Variants in PSD3 observed in about 807,000 individuals in gnomAD.
PSD3 encodes pleckstrin and Sec7 domain containing 3, also known as PH and SEC7 domain-containing protein 3.
In PSD3, 49 loss-of-function variants were observed where a neutral mutation model predicts 105.5. The observed-to-expected ratio is 0.46, with a 90% CI of 0.37 to 0.59. The LOEUF (loss-of-function observed/expected upper bound fraction) is 0.59. PSD3 is among the 20% of genes least tolerant of loss of function. The probability of loss-of-function intolerance (pLI) is 0.00; values close to 1 mark genes in which losing one functional copy is unlikely to be tolerated. For synonymous variants in PSD3, 557 were observed against 457.8 expected, an observed-to-expected ratio of 1.22 and a Z score of -2.77; for missense variants, 1,561 against 1,263.8, an observed-to-expected ratio of 1.24 and a Z score of -3.57.
chr8:18,802,555 A>G (rs1298583528), intron 6 of PSD3, among the ~76,000 whole-genome samples: 1 of 152,198 alleles, frequency 6.6e-6, no homozygotes. Context: ...ATGCAAGGCA[A>G]AAATACAGAT....
chr8:18,931,396 C>T (rs1288702324), intron 2 of PSD3, among the ~76,000 whole-genome samples: 5 of 152,132 alleles, frequency 3.3e-5, no homozygotes, highest in African/African-American at 1.2e-4. Context: ...GCTACAGCAT[C>T]CATTCACATC....
At chr8:18,642,750 C>A (rs183321111) in intron 10 of PSD3, among the ~76,000 whole-genome samples, 7 of 152,284 alleles carry the variant, frequency 4.6e-5, no homozygotes, top group African/African-American at 1.7e-4. Context: ...TTAAGCTTTT[C>A]ACAATAAAAC....
intron 11 of PSD3, among the ~76,000 whole-genome samples, chr8:18,625,534 G>A (rs1015722087): frequency 2.6e-4 from 40 of 152,120 alleles, no homozygotes; most frequent in African/African-American, 9.2e-4. Context: ...GAAATGTTCA[G>A]GCTTCACTGT....
At chr8:18,940,526 G>C (rs1822465791) in intron 1 of PSD3, 1 of 152,130 alleles carries the variant, frequency 6.6e-6, no homozygotes, top group Non-Finnish European at 1.5e-5. Context: ...GCTTAATAAA[G>C]TGCTCCATTA....
At chr8:18,813,714 T>TCAC (rs1811920142) in intron 4 of PSD3, among the ~76,000 whole-genome samples, 1 of 152,178 alleles carries the variant, frequency 6.6e-6, no homozygotes, top group African/African-American at 2.4e-5. Context: ...GCTCCAGTGG[T>TCAC]CACCAGTTCT....
intron 1 of PSD3, among the ~76,000 whole-genome samples, chr8:19,029,115 C>T (rs911437015): frequency 6.6e-6 from 1 of 151,980 alleles, no homozygotes; most frequent in Non-Finnish European, 1.5e-5. Context: ...ATTTGTTCTC[C>T]AGTTAAAAAT....
intron 2 of PSD3, among the ~76,000 whole-genome samples, chr8:18,888,804 T>A (rs1311677028): frequency 6.6e-6 from 1 of 152,202 alleles, no homozygotes; most frequent in Non-Finnish European, 1.5e-5. Context: ...CTGGATTTGT[T>A]GGGCAAGCCT....
At chr8:19,028,299 C>CCCCCCTTTT (rs1563517980) in intron 1 of PSD3, among the ~76,000 whole-genome samples, 1 of 96,182 alleles carries the variant, frequency 1.0e-5, no homozygotes. Flanking sequence ...CCGGCCCACC[C>CCCCCCTTTT]TTTTTTTTTT....
intron 2 of PSD3, among the ~76,000 whole-genome samples, chr8:18,879,051 AAC>A (rs59598569): frequency 0.02 from 2,836 of 138,510 alleles, 31 homozygotes; most frequent in East Asian, 0.044. Flanking sequence ...CACACACACA[AAC>A]ACACACACAC....
chr8:18,981,314 A>T (rs1286307180), intron 1 of PSD3, among the ~76,000 whole-genome samples: 3 of 152,182 alleles, frequency 2.0e-5, no homozygotes, highest in African/African-American at 7.2e-5. Context: ...CATACAAAAA[A>T]AGTCCACTCA....
intron 1 of PSD3, among the ~76,000 whole-genome samples, chr8:19,022,582 C>T (rs1318325052): frequency 2.6e-5 from 4 of 152,182 alleles, no homozygotes; most frequent in African/African-American, 4.8e-5. Context: ...CTCTAGGTTT[C>T]GTGGGAAGAA....
At chr8:19,059,184 A>C (rs1828807119) in intron 1 of PSD3, among the ~76,000 whole-genome samples, 1 of 152,214 alleles carries the variant, frequency 6.6e-6, no homozygotes, top group Non-Finnish European at 1.5e-5. Context: ...TCTCATCCAA[A>C]TAACACCCAG....
At chr8:18,953,451 T>C (rs541989772) in intron 1 of PSD3, among the ~76,000 whole-genome samples, 1 of 152,168 alleles carries the variant, frequency 6.6e-6, no homozygotes, top group Non-Finnish European at 1.5e-5. Context: ...TCCATCAATA[T>C]ACAAATGGCT....
chr8:18,702,859 G>A (rs547078703), intron 9 of PSD3, among the ~76,000 whole-genome samples: 9 of 151,958 alleles, frequency 5.9e-5, no homozygotes, highest in East Asian at 1.9e-4. Flanking sequence ...TGATCCGCCC[G>A]CCTCAGCCTC....
In PSD3 at chr8:18,592,929, G is replaced by C. The variant is rs1188483038; in HGVS notation, c.2481+7435C>G. On this transcript the variant is annotated intron_variant, in intron 12 of 15. Transcript: ENST00000327040. ...AAAACTGGCTAGCCATATGTAGAAA[G>C]CTGAAACTGGATCCCTTCCTTACAC... Among the ~76,000 whole-genome samples, 4 of 152,238 alleles carry C rather than the reference G, an allele frequency of 2.6e-5. No individual in the cohort carries two copies. In the East Asian group the frequency reaches 5.8e-4, roughly 22 times the overall value.
chr8:18,655,922 G>C (rs1808856502), intron 9 of PSD3, among the ~76,000 whole-genome samples: 1 of 152,086 alleles, frequency 6.6e-6, no homozygotes, highest in Non-Finnish European at 1.5e-5. Flanking sequence ...TTATCAATAA[G>C]GCACAGTACT....
intron 1 of PSD3, among the ~76,000 whole-genome samples, chr8:18,998,118 A>G (rs1826177591): frequency 6.6e-6 from 1 of 151,992 alleles, no homozygotes; most frequent in Non-Finnish European, 1.5e-5. Flanking sequence ...GAATGAAGGA[A>G]AAGTGACTGT....
chr8:18,797,953 C>A (rs1286156478), intron 8 of PSD3, among the ~76,000 whole-genome samples: 1 of 152,000 alleles, frequency 6.6e-6, no homozygotes, highest in Non-Finnish European at 1.5e-5. Context: ...TCTCCTTTGG[C>A]CAGAAAGGCT....
chr8:18,588,017 T>A (rs1803324028), intron 12 of PSD3, among the ~76,000 whole-genome samples: 1 of 152,144 alleles, frequency 6.6e-6, no homozygotes, highest in Non-Finnish European at 1.5e-5. Flanking sequence ...TCACCAGGAT[T>A]AGCCCTTAAC....
Sources: gnomAD v4.1 joint callset for allele counts (sites outside exome capture counted in the v4.1 genomes callset) on GRCh38, gnomAD v4.1.1 for gene constraint, MANE v1.5 for transcripts, NCBI Gene and HGNC (gene_info 2026-07-23, HGNC 2026-07-21) for gene names.